Variants in PMM2 observed in about 807,000 individuals in gnomAD.
The protein encoded by PMM2 is phosphomannomutase 2, also known as mannose-6-phosphate isomerase.
A neutral mutation model predicts 33.2 loss-of-function variants in PMM2; 35 were observed. The observed-to-expected ratio is 1.06, with a 90% confidence interval of 0.81 to 1.40. PMM2 has a LOEUF of 1.40. Ranked by LOEUF, PMM2 falls within the 40% of genes most tolerant of loss-of-function variation. The pLI, the probability that PMM2 is intolerant of heterozygous loss-of-function variation, is 0.00. For missense variants in PMM2, 386 were observed against 306.0 expected (o/e 1.26, Z -1.95); for synonymous variants, 153 against 114.7 (o/e 1.33, Z -2.13).
chr16:8,845,455 A>G (rs1294230682), intron 7 of PMM2, among the ~76,000 whole-genome samples: 2 of 152,122 alleles, frequency 1.3e-5, no homozygotes, highest in Non-Finnish European at 2.9e-5. Context: ...CAGAGGCCTG[A>G]CAGTAGGTGT....
intron 7 of PMM2, chr16:8,832,574 C>T (rs1300479350): frequency 4.1e-6 from 4 of 985,224 alleles, no homozygotes; most frequent in East Asian, 2.3e-4. Flanking sequence ...ACCCTTTTTG[C>T]TTCAGGGGTC....
chr16:8,838,496 A>G (rs956565025), intron 7 of PMM2, among the ~76,000 whole-genome samples: 2 of 151,816 alleles, frequency 1.3e-5, no homozygotes, highest in African/African-American at 4.8e-5. Flanking sequence ...AGAATGGGCG[A>G]TGTTTCTCAG....
chr16:8,802,261 C>T lies in PMM2; in HGVS notation c.178+351C>T, dbSNP rs916021971. ...GGTCTTCATATTGTCCCTCTGACAGCCCCCCTCACCTCCCCATCACTGAAA... is the reference window on the plus strand; with the variant it reads ...GGTCTTCATATTGTCCCTCTGACAGTCCCCCTCACCTCCCCATCACTGAAA... On this transcript the variant is annotated intron_variant, in intron 2 of 7. Transcript: ENST00000268261. The T allele has an allele frequency of 5.3e-5, 24 of 451,230 alleles. No individual in the cohort carries two copies. The Admixed American group carries it at 5.5e-4, about 10-fold the overall frequency. The allele number at this position is 451,230 out of a possible 1,614,324, so 28.0% of individuals were successfully genotyped here.
At chr16:8,825,306 C>T (rs896982688) in intron 7 of PMM2, among the ~76,000 whole-genome samples, 1 of 152,060 alleles carries the variant, frequency 6.6e-6, no homozygotes, top group African/African-American at 2.4e-5. Context: ...GCTAGGATTA[C>T]AGGCATGAGC....
chr16:8,847,687 G>A (rs751452528), intron 7 of PMM2, 37 bp from the exon 8 acceptor site: 24 of 1,495,598 alleles, frequency 1.6e-5, no homozygotes, highest in Admixed American at 5.0e-5. Context: ...CGGGACAGAC[G>A]AGGGGGAGCC....
Position 8,811,676 on chromosome 16 carries a change from G to A in PMM2, c.486G>A (p.Arg162=). Residue 162 remains arginine, a synonymous_variant, in exon 6 of 8, where the codon CGG becomes CGA. Transcript: ENST00000268261. ...NIRQKFVADL[R]KEFAGKGLTF... is the part of the protein sequence containing the mutation. Reference sequence around the variant, plus strand: ...GACAAAAGTTTGTAGCAGATCTACGGAAAGAGTTTGCTGGAAAAGGCCTCA... The same window carrying A: ...GACAAAAGTTTGTAGCAGATCTACGAAAAGAGTTTGCTGGAAAAGGCCTCA... 6.2e-7 allele frequency: 1 copy of A among 1,613,498 alleles called. No individual in the cohort carries two copies. The highest frequency in any genetic ancestry group is 8.5e-7 in the Non-Finnish European group (1 of 1,179,436).
rs760896969 is a variant in PMM2 at position 8,811,613 on chromosome 16, A to G, written c.448-25A>G. The G allele has an allele frequency of 1.6e-5, 23 of 1,457,766 alleles. No individual in the cohort carries two copies. The South Asian group carries it at 2.5e-4, about 16-fold the overall frequency. 90.3% of individuals were successfully genotyped at this position (1,457,766 alleles called of 1,614,324 possible). A position where few individuals can be genotyped will look rare whatever the true frequency, so the allele number is the denominator to read the frequency against. The stretch of plus-strand genomic sequence containing the variant: ...TTTCTAAACTGCAATACAAGAAACA[A>G]TTGGTATCTTTTTGTTTTTCTCAGA... On this transcript the variant is annotated intron_variant, in intron 5 of 7. Coordinates refer to ENST00000268261, the MANE Select transcript of PMM2 (RefSeq NM_000303.3).
In PMM2 at chr16:8,822,816, T is replaced by G. The variant is rs572551771; in HGVS notation, c.639+9710T>G. Among the ~76,000 whole-genome samples, 16 of 152,282 alleles carry G rather than the reference T, an allele frequency of 1.1e-4. No homozygotes were observed. In the South Asian group the frequency reaches 3.3e-3, roughly 32 times the overall value. On this transcript the variant is annotated intron_variant, in intron 7 of 7. Coordinates refer to ENST00000268261, the MANE Select transcript of PMM2 (RefSeq NM_000303.3). ...CTGCTTCTACTCAGGGGTTCCTGGT[T>G]AGGGTTTGAAGGCCTGCATGACAAA... is the stretch of plus-strand genomic sequence containing the variant.
At chr16:8,845,081 G>T (rs35025694) in intron 7 of PMM2, among the ~76,000 whole-genome samples, 1 of 152,086 alleles carries the variant, frequency 6.6e-6, no homozygotes, top group Non-Finnish European at 1.5e-5. Flanking sequence ...TGAGCAACAT[G>T]GCTGTTTATT....
chr16:8,838,485 C>G (rs28837770), intron 7 of PMM2, among the ~76,000 whole-genome samples: 93,731 of 151,296 alleles, frequency 0.62, 29,763 homozygotes, highest in Middle Eastern at 0.72. Flanking sequence ...GGTATGGAGA[C>G]AGAATGGGCG....
intron 7 of PMM2, among the ~76,000 whole-genome samples, chr16:8,843,746 G>A (rs147162632): frequency 0.045 from 6,865 of 152,230 alleles, 232 homozygotes; most frequent in Middle Eastern, 0.13. Flanking sequence ...TCTAATTTTT[G>A]GAGTTTTATT....
rs201680226 is a variant in PMM2, at chr16:8,843,340, G to A, written c.640-4384G>A. On this transcript the variant is annotated intron_variant, in intron 7 of 7. Transcript: ENST00000268261. ...TGGTCTGGGGGCTTCCAAGGCGATT[G>A]GGCAGCGTCAATCTTCAGCCGCTAA... Among the ~76,000 whole-genome samples the A allele has an allele frequency of 2.0e-5, 3 of 152,258 alleles. No homozygotes were observed. The East Asian group carries it at 5.8e-4, about 29-fold the overall frequency.
chr16:8,799,775 G>T (rs898771436), intron 1 of PMM2, among the ~76,000 whole-genome samples: 2 of 151,858 alleles, frequency 1.3e-5, no homozygotes, highest in Admixed American at 1.3e-4. Context: ...CTCTATCTCT[G>T]GACCTCGTGA....
Position 8,801,859 on chromosome 16 carries a change from G to C in PMM2, c.127G>C (p.Val43Leu), listed in dbSNP as rs376754460. The part of the protein sequence containing the change: ...QKLRQKIKIG[V>L]VGGSDFEKVQ... Reference sequence around the variant, plus strand: ...ATTGAGGCAGAAGATCAAAATCGGAGTGGTAGGCGGATCGGACTTTGAGAA... The same window carrying C: ...ATTGAGGCAGAAGATCAAAATCGGACTGGTAGGCGGATCGGACTTTGAGAA... Residue 43 changes from valine (V) to leucine (L), a missense_variant, in exon 2 of 8, where the codon GTG becomes CTG. Physicochemically the swap from Val to Leu is conservative, Grantham distance 32 (BLOSUM62 1). Coordinates refer to ENST00000268261, the MANE Select transcript of PMM2 (RefSeq NM_000303.3). 1.2e-5 allele frequency: 19 copies of C among 1,612,436 alleles called. No individual in the cohort carries two copies. The highest frequency in any genetic ancestry group is 1.5e-5 in the Non-Finnish European group (18 of 1,178,874).
chr16:8,835,894 C>T (rs988651270), intron 7 of PMM2, among the ~76,000 whole-genome samples: 2 of 151,634 alleles, frequency 1.3e-5, no homozygotes, highest in East Asian at 1.9e-4. Context: ...AAGAGGAGGA[C>T]ACAAAGGAGG....
chr16:8,806,619 T>C, intron 4 of PMM2: 2 of 598,466 alleles, frequency 3.3e-6, no homozygotes, highest in Non-Finnish European at 6.0e-6. Context: ...GCCCTGGTGC[T>C]GCTGGTTCAC....
intron 1 of PMM2, among the ~76,000 whole-genome samples, chr16:8,799,434 G>A (rs2060598596): frequency 6.6e-6 from 1 of 152,206 alleles, no homozygotes; most frequent in African/African-American, 2.4e-5. Flanking sequence ...TGGGCCTCAG[G>A]ATATTGGTTC....
chr16:8,832,331 C>T (rs988715948), intron 7 of PMM2: 14 of 985,342 alleles, frequency 1.4e-5, no homozygotes, highest in Non-Finnish European at 4.8e-6. Flanking sequence ...AGAGAGGCTC[C>T]TGCAGCCAGG....
chr16:8,844,497 C>T (rs1335698181), intron 7 of PMM2, among the ~76,000 whole-genome samples: 21 of 151,916 alleles, frequency 1.4e-4, no homozygotes, highest in Admixed American at 1.3e-3. Context: ...GGTTCTTGCC[C>T]CTGCCCCAGA....
Sources: allele counts gnomAD v4.1 joint callset (sites outside exome capture counted in the v4.1 genomes callset), GRCh38; gene constraint gnomAD v4.1.1; transcripts MANE v1.5; gene names NCBI Gene and HGNC (gene_info 2026-07-23, HGNC 2026-07-21).